ROBO1: variants seen among roughly 807,000 people sequenced by gnomAD.
ROBO1 encodes roundabout guidance receptor 1.
ROBO1 carries 149 observed loss-of-function variants against 195.9 expected under a neutral mutation model. The observed-to-expected ratio is 0.76, with a 90% CI of 0.67 to 0.87. The LOEUF (loss-of-function observed/expected upper bound fraction) is 0.87, where lower values mean the gene tolerates loss of function less well. ROBO1 is among the 40% of genes least tolerant of loss of function. The pLI, the probability that ROBO1 is intolerant of heterozygous loss-of-function variation, is 0.00. For synonymous variants in ROBO1, 816 were observed against 733.2 expected (o/e 1.11, Z -1.82); for missense variants, 1,933 against 2,068.3 (o/e 0.93, Z 1.27).
chr3:79,222,798 T>C (rs1576835521), intron 2 of ROBO1, among the ~76,000 whole-genome samples: 1 of 152,144 alleles, frequency 6.6e-6, no homozygotes, highest in African/African-American at 2.4e-5. Context: ...TTATGTCTGG[T>C]GAATAATTTA....
chr3:78,844,115 G>T lies in ROBO1; in HGVS notation c.499+94486C>A, dbSNP rs148498757. Among the ~76,000 whole-genome samples the T allele has an allele frequency of 1.5e-3, 222 of 152,168 alleles. 1 individual carries two copies. The highest frequency in any genetic ancestry group is 7.7e-3 in the South Asian group (37 of 4,816). ...CAGTTGTTTAAATTGCTATTTTTGTGTTCCCTTTACATTGCTTAGAAGCAG... is the reference window on the plus strand; with the variant it reads ...CAGTTGTTTAAATTGCTATTTTTGTTTTCCCTTTACATTGCTTAGAAGCAG... On this transcript the variant is annotated intron_variant, in intron 4 of 30. Coordinates refer to ENST00000464233, the MANE Select transcript of ROBO1 (RefSeq NM_002941.4).
intron 3 of ROBO1, among the ~76,000 whole-genome samples, chr3:78,967,505 G>C (rs1383854148): frequency 6.6e-6 from 1 of 152,036 alleles, no homozygotes; most frequent in Non-Finnish European, 1.5e-5. Context: ...CTTTCTCCAA[G>C]AGAGAAAGAA....
chr3:78,600,300 A>G lies in ROBO1; in HGVS notation c.4754T>C (p.Leu1585Pro). 1 of 1,602,170 alleles carries G rather than the reference A, an allele frequency of 6.2e-7. No individual in the cohort carries two copies. The highest frequency in any genetic ancestry group is 8.6e-7 in the Non-Finnish European group (1 of 1,169,370). ...TGGAAAAGTAGGTCTACAATAAGGT[A>G]GAATATCCTCTGTGTAATGAAATAT... Reference protein sequence around the residue: ...AKTHLIQEDILPYCRPTFPTS... With the variant: ...AKTHLIQEDIPPYCRPTFPTS... The change falls in exon 30 of 31, where the codon CTA becomes CCA. Residue 1585 changes from leucine to proline, a missense_variant. Leu to Pro is a moderately conservative substitution (Grantham distance 98). Coordinates refer to ENST00000464233, the MANE Select transcript of ROBO1 (RefSeq NM_002941.4).
intron 2 of ROBO1, among the ~76,000 whole-genome samples, chr3:79,502,116 C>A (rs759082806): frequency 6.6e-6 from 1 of 152,206 alleles, no homozygotes; most frequent in Non-Finnish European, 1.5e-5. Flanking sequence ...AGCCCTCACT[C>A]GTTATCCGCG....
chr3:79,236,513 T>C (rs2082409620), intron 2 of ROBO1, among the ~76,000 whole-genome samples: 1 of 152,234 alleles, frequency 6.6e-6, no homozygotes, highest in South Asian at 2.1e-4. Flanking sequence ...ACATTTTTTT[T>C]GACTTCCAAC....
chr3:79,426,442 C>A (rs1043738567), intron 2 of ROBO1, among the ~76,000 whole-genome samples: 2 of 152,078 alleles, frequency 1.3e-5, no homozygotes, highest in African/African-American at 4.8e-5. Context: ...GTGATCTCAG[C>A]TCACTGCAAT....
chr3:78,725,546 T>C (rs867820986), intron 5 of ROBO1, among the ~76,000 whole-genome samples: 5 of 152,148 alleles, frequency 3.3e-5, no homozygotes, highest in Non-Finnish European at 7.4e-5. Context: ...CTTTACTGAA[T>C]TGCTTACTGA....
chr3:79,250,023 T>C (rs1048188262), intron 2 of ROBO1, among the ~76,000 whole-genome samples: 2 of 152,144 alleles, frequency 1.3e-5, no homozygotes, highest in African/African-American at 4.8e-5. Flanking sequence ...AGGGAAGTAA[T>C]CACTAGTTTT....
intron 2 of ROBO1, among the ~76,000 whole-genome samples, chr3:79,176,911 T>C (rs1288824343): frequency 6.6e-6 from 1 of 152,206 alleles, no homozygotes; most frequent in East Asian, 1.9e-4. Flanking sequence ...CTACAAAATA[T>C]ATTAGCTCAT....
intron 8 of ROBO1, among the ~76,000 whole-genome samples, chr3:78,699,456 C>G (rs1219405343): frequency 6.7e-6 from 1 of 148,348 alleles, no homozygotes; most frequent in African/African-American, 2.5e-5. Context: ...GTAATCCCAG[C>G]TACTTGGGAG....
chr3:79,068,999 T>C (rs572938555), intron 3 of ROBO1, among the ~76,000 whole-genome samples: 1 of 151,984 alleles, frequency 6.6e-6, no homozygotes, highest in African/African-American at 2.4e-5. Context: ...TGTTTCTCTA[T>C]TCTTTTTCCC....
At chr3:78,918,862 A>T (rs2038782540) in intron 4 of ROBO1, among the ~76,000 whole-genome samples, 1 of 152,192 alleles carries the variant, frequency 6.6e-6, no homozygotes, top group Non-Finnish European at 1.5e-5. Flanking sequence ...AAAAAAGGAT[A>T]TGAAAAAGGA....
intron 8 of ROBO1, among the ~76,000 whole-genome samples, chr3:78,690,713 C>A (rs2081153625): frequency 6.6e-6 from 1 of 151,952 alleles, no homozygotes; most frequent in Non-Finnish European, 1.5e-5. Context: ...TGAAAGAAAT[C>A]CAAGTGATTA....
At chr3:79,447,269 G>T (rs934132643) in intron 2 of ROBO1, among the ~76,000 whole-genome samples, 1 of 152,086 alleles carries the variant, frequency 6.6e-6, no homozygotes, top group Non-Finnish European at 1.5e-5. Flanking sequence ...AAGAAACTGA[G>T]AATGTATGGT....
chr3:79,207,170 G>C (rs540025200), intron 2 of ROBO1, among the ~76,000 whole-genome samples: 28 of 152,260 alleles, frequency 1.8e-4, no homozygotes, highest in Non-Finnish European at 3.5e-4. Flanking sequence ...GGGCCAGAGG[G>C]TGGGAGGTGG....
chr3:78,867,115 T>C (rs974113172), intron 4 of ROBO1, among the ~76,000 whole-genome samples: 2 of 152,230 alleles, frequency 1.3e-5, no homozygotes, highest in Non-Finnish European at 2.9e-5. Context: ...ACTCAGTATT[T>C]CATTAAGGAA....
chr3:78,754,034 A>G (rs2082865591), intron 4 of ROBO1, among the ~76,000 whole-genome samples: 1 of 152,238 alleles, frequency 6.6e-6, no homozygotes, highest in Admixed American at 6.5e-5. Flanking sequence ...ATCACAACAC[A>G]GATTCTTTCA....
intron 2 of ROBO1, among the ~76,000 whole-genome samples, chr3:79,172,406 A>C (rs968945443): frequency 1.1e-4 from 17 of 152,292 alleles, no homozygotes; most frequent in Non-Finnish European, 4.4e-5. Flanking sequence ...TTTTTGTCTC[A>C]ATTTTCTGTA....
In ROBO1 at chr3:79,472,536, A is replaced by G. The variant is rs541114986; in HGVS notation, c.88+117288T>C. ...GCTAAGGACTTCAGGTATTGATGAG[A>G]GAAGAGGTACTACTTTGGCACATTT... On this transcript the variant is annotated intron_variant, in intron 2 of 30. Transcript: ENST00000464233. 1.6e-4 allele frequency among the ~76,000 whole-genome samples: 24 copies of G among 152,294 alleles called. No individual in the cohort carries two copies. The South Asian group carries it at 4.8e-3, about 30-fold the overall frequency.
Sources: gnomAD v4.1 joint callset for allele counts (sites outside exome capture counted in the v4.1 genomes callset) on GRCh38, gnomAD v4.1.1 for gene constraint, MANE v1.5 for transcripts, NCBI Gene and HGNC (gene_info 2026-07-23, HGNC 2026-07-21) for gene names.